OXCT1: variants seen among roughly 807,000 people sequenced by gnomAD.
OXCT1 encodes the protein succinyl-CoA:3-ketoacid coenzyme A transferase 1, mitochondrial.
OXCT1 carries 27 observed loss-of-function variants against 69.6 expected under a neutral mutation model. The ratio of observed to expected loss-of-function variants is 0.39; its 90% confidence interval spans 0.29 to 0.54. The LOEUF is 0.54. OXCT1 is among the 20% of genes least tolerant of loss of function. The pLI is 0.72. For missense variants in OXCT1, 437 were observed against 650.2 expected (o/e 0.67, Z 3.57); for synonymous variants, 202 against 217.8 (o/e 0.93, Z 0.64).
chr5:41,747,783 C>A (rs980633556), intron 15 of OXCT1, among the ~76,000 whole-genome samples: 1 of 152,072 alleles, frequency 6.6e-6, no homozygotes, highest in Non-Finnish European at 1.5e-5. Context: ...AAGGTACATA[C>A]TGTGAAATGC....
At chr5:41,819,424 G>A (rs1215538684) in intron 7 of OXCT1, among the ~76,000 whole-genome samples, 2 of 152,138 alleles carry the variant, frequency 1.3e-5, no homozygotes, top group Non-Finnish European at 2.9e-5. Context: ...AGGCTGGAGT[G>A]CAGCAGCAGG....
intron 15 of OXCT1, among the ~76,000 whole-genome samples, chr5:41,749,272 TA>T (rs1319645079): frequency 2.6e-5 from 4 of 152,094 alleles, no homozygotes; most frequent in African/African-American, 9.7e-5. Context: ...TAAAGATCAA[TA>T]AAACTTTTCT....
At chr5:41,815,186 T>C (rs1747180411) in intron 7 of OXCT1, among the ~76,000 whole-genome samples, 1 of 152,134 alleles carries the variant, frequency 6.6e-6, no homozygotes. Flanking sequence ...AGTAGAACTG[T>C]TACTTCATAT....
intron 15 of OXCT1, 135 bp downstream of exon 15, chr5:41,749,392 T>G: frequency 1.4e-4 from 84 of 620,668 alleles, no homozygotes; most frequent in East Asian, 3.8e-4. Context: ...ATTAAATTGA[T>G]GAGCTTTCCT....
At chr5:41,846,041 C>A (rs768495499) in intron 5 of OXCT1, among the ~76,000 whole-genome samples, 2 of 151,886 alleles carry the variant, frequency 1.3e-5, no homozygotes, top group Non-Finnish European at 2.9e-5. Flanking sequence ...GTTTAAATCC[C>A]CCTGCATTCC....
At chr5:41,731,889 T>A in intron 16 of OXCT1, 119 bp from the exon 17 acceptor site, 1 of 1,191,092 alleles carries the variant, frequency 8.4e-7, no homozygotes, top group Non-Finnish European at 1.2e-6. Context: ...GGACATTCCC[T>A]GGAGTTTCCA....
intron 13 of OXCT1, among the ~76,000 whole-genome samples, chr5:41,763,661 C>T (rs1744456107): frequency 6.6e-6 from 1 of 152,068 alleles, no homozygotes; most frequent in African/African-American, 2.4e-5. Flanking sequence ...TAAGAACATC[C>T]AGGCAGTCTC....
intron 5 of OXCT1, among the ~76,000 whole-genome samples, chr5:41,847,628 A>T (rs1388532648): frequency 6.6e-6 from 1 of 151,918 alleles, no homozygotes; most frequent in Non-Finnish European, 1.5e-5. Context: ...GGTTCAATAT[A>T]CACAAATCAA....
At chr5:41,840,311 A>G in intron 7 of OXCT1, 140 bp downstream of exon 7, 2 of 687,850 alleles carry the variant, frequency 2.9e-6, no homozygotes, top group South Asian at 1.8e-5. Context: ...ATATTTAGAT[A>G]GAATGGATCC....
intron 6 of OXCT1, among the ~76,000 whole-genome samples, chr5:41,841,605 C>T (rs957588193): frequency 1.1e-4 from 17 of 152,172 alleles, no homozygotes; most frequent in Non-Finnish European, 2.2e-4. Flanking sequence ...CCTTGTGCAG[C>T]CTTCAAATAC....
chr5:41,827,629 A>G (rs1747870590), intron 7 of OXCT1, among the ~76,000 whole-genome samples: 1 of 152,234 alleles, frequency 6.6e-6, no homozygotes, highest in East Asian at 1.9e-4. Context: ...CTTGCCATTC[A>G]TCACTAACCT....
chr5:41,799,931 G>T (rs1746349232), intron 11 of OXCT1, among the ~76,000 whole-genome samples: 1 of 152,096 alleles, frequency 6.6e-6, no homozygotes, highest in African/African-American at 2.4e-5. Context: ...TACTATTTTT[G>T]AATGCAAAGT....
intron 14 of OXCT1, 34 bp from the exon 15 acceptor site, chr5:41,749,641 TAGGG>T: frequency 7.5e-7 from 1 of 1,339,880 alleles, no homozygotes; most frequent in Non-Finnish European, 1.1e-6. Context: ...AAAGAGTAGT[TAGGG>T]AGCAATTTTT....
chr5:41,859,561 A>T (rs552866890), intron 3 of OXCT1, among the ~76,000 whole-genome samples: 1 of 152,280 alleles, frequency 6.6e-6, no homozygotes, highest in South Asian at 2.1e-4. Context: ...TTCTGTAGTT[A>T]CATGAGACAA....
At chr5:41,745,704 A>T (rs1290430436) in intron 15 of OXCT1, among the ~76,000 whole-genome samples, 1 of 152,154 alleles carries the variant, frequency 6.6e-6, no homozygotes, top group African/African-American at 2.4e-5. Context: ...GCAATAAAAA[A>T]TGATAAAGGG....
intron 3 of OXCT1, among the ~76,000 whole-genome samples, chr5:41,856,129 G>A (rs569073005): frequency 6.6e-6 from 1 of 152,302 alleles, no homozygotes; most frequent in African/African-American, 2.4e-5. Flanking sequence ...ATAACAGTAT[G>A]ATTAGCTGGA....
At chr5:41,853,317 T>C in intron 4 of OXCT1, 102 bp downstream of exon 4, 1 of 1,022,922 alleles carries the variant, frequency 9.8e-7, no homozygotes, top group African/African-American at 1.6e-5. Flanking sequence ...GGCAAAGTAC[T>C]ATTCCTTCTG....
chr5:41,844,027 T>C (rs185815098), intron 5 of OXCT1, among the ~76,000 whole-genome samples: 161 of 152,334 alleles, frequency 1.1e-3, no homozygotes, highest in African/African-American at 3.6e-3. Flanking sequence ...GTGTTTTACA[T>C]ACAGATCTAG....
At chr5:41,862,539 T>C in intron 2 of OXCT1, 103 bp downstream of exon 2, 1 of 694,568 alleles carries the variant, frequency 1.4e-6, no homozygotes, top group Non-Finnish European at 2.6e-6. Flanking sequence ...TAATGCATAA[T>C]AAAATAATTA....
Sources: allele counts gnomAD v4.1 joint callset (sites outside exome capture counted in the v4.1 genomes callset), GRCh38; gene constraint gnomAD v4.1.1; transcripts MANE v1.5; gene names NCBI Gene and HGNC (gene_info 2026-07-23, HGNC 2026-07-21).